Variants in TECR observed in about 807,000 individuals in gnomAD.
The protein encoded by TECR is trans-2,3-enoyl-CoA reductase.
Under a neutral mutation model 50.6 loss-of-function variants are expected in TECR, and 19 were observed. The ratio of observed to expected loss-of-function variants is 0.38; its 90% confidence interval spans 0.26 to 0.55. The LOEUF is 0.55. TECR is among the 20% of genes least tolerant of loss of function. The pLI, the probability that TECR is intolerant of heterozygous loss-of-function variation, is 0.79. For synonymous variants in TECR, 168 were observed against 163.5 expected (o/e 1.03, Z -0.21); for missense variants, 313 against 408.3 (o/e 0.77, Z 2.01).
At chr19:14,562,994 G>C (rs2146630916) in intron 2 of TECR, 1 of 625,698 alleles carries the variant, frequency 1.6e-6, no homozygotes, top group Non-Finnish European at 2.8e-6. Context: ...TGCTGGCTGA[G>C]GGTAAAAGTG....
chr19:14,561,294 G>A (rs564753937), intron 1 of TECR, among the ~76,000 whole-genome samples: 8 of 152,296 alleles, frequency 5.3e-5, no homozygotes, highest in African/African-American at 1.9e-4. Context: ...GGGTTTCTGT[G>A]GGTAGGAAGG....
chr19:14,551,072 A>AT (rs1163481758), intron 1 of TECR, among the ~76,000 whole-genome samples: 13 of 148,524 alleles, frequency 8.8e-5, no homozygotes, highest in African/African-American at 2.7e-4. Context: ...CAAAGACACT[A>AT]TTTTTTTTTC....
rs763488501 is a variant in TECR, at chr19:14,563,851, C to T, written c.215C>T (p.Thr72Ile). 1.9e-6 allele frequency: 3 copies of T among 1,613,968 alleles called. No homozygotes were observed. The highest frequency in any genetic ancestry group is 2.5e-6 in the Non-Finnish European group (3 of 1,179,944). The change falls in exon 5 of 13, where the codon ACC becomes ATC. Residue 72 changes from threonine (T) to isoleucine (I), a missense_variant. Thr to Ile is a moderately conservative substitution (Grantham distance 89). Transcript: ENST00000215567. This position sits in a 1 kb window ranked among gnomAD's most constrained non-coding sequence, Gnocchi z 5.3. Reference sequence around the variant, plus strand: ...GTTCTGCAGAAGCTGCCCGTGGGCACCACGGCCACACTGTACTTCCGGGAC... The same window carrying T: ...GTTCTGCAGAAGCTGCCCGTGGGCATCACGGCCACACTGTACTTCCGGGAC... ...EDVLQKLPVG[T>I]TATLYFRDLG...
rs759825452 is a variant in TECR, at chr19:14,564,809, C to T, written c.513C>T (p.Phe171=). 1 of 1,613,632 alleles carries T rather than the reference C, an allele frequency of 6.2e-7. No individual in the cohort carries two copies. The highest frequency in any genetic ancestry group is 8.5e-7 in the Non-Finnish European group (1 of 1,179,976). The part of the protein sequence containing the change: ...IFKNCTYYWG[F]AAWMAYYINH... Reference sequence around the variant, plus strand: ...AGAACTGCACCTACTACTGGGGCTTCGCCGCGTGGATGGCCTATTACATCA... The same window carrying T: ...AGAACTGCACCTACTACTGGGGCTTTGCCGCGTGGATGGCCTATTACATCA... The change falls in exon 8 of 13, where the codon TTC becomes TTT. Residue 171 remains phenylalanine, a synonymous_variant. Coordinates refer to ENST00000215567, the MANE Select transcript of TECR (RefSeq NM_138501.6).
At chr19:14,533,350 G>T (rs111695038) in intron 1 of TECR, among the ~76,000 whole-genome samples, 2,403 of 152,022 alleles carry the variant, frequency 0.016, 45 homozygotes, top group African/African-American at 0.052. Flanking sequence ...AACCTGGGAG[G>T]TGGAGGTTGC....
chr19:14,561,981 G>A (rs2050014433), intron 1 of TECR: 2 of 236,834 alleles, frequency 8.4e-6, no homozygotes, highest in South Asian at 6.6e-5. Flanking sequence ...TGTGCAGGGC[G>A]GGGGCTGGGA....
chr19:14,565,165 A>AG, intron 10 of TECR, 37 bp from the exon 11 acceptor site: 1 of 1,613,696 alleles, frequency 6.2e-7, no homozygotes, highest in Non-Finnish European at 8.5e-7. Context: ...GGGCTGGGTG[A>AG]GGGGGTCTGA....
At chr19:14,556,398 G>A (rs1177620159) in intron 1 of TECR, among the ~76,000 whole-genome samples, 4 of 99,646 alleles carry the variant, frequency 4.0e-5, no homozygotes, top group East Asian at 4.7e-4. Context: ...GGGCGACAGC[G>A]AGACTCTCTC....
intron 1 of TECR, among the ~76,000 whole-genome samples, chr19:14,534,202 G>A (rs1292178408): frequency 3.3e-5 from 5 of 151,122 alleles, no homozygotes; most frequent in African/African-American, 9.7e-5. Context: ...TTGGCTCACT[G>A]TAAGCTCCGC....
chr19:14,550,415 C>T lies in TECR; in HGVS notation c.16-12110C>T, dbSNP rs139626964. On this transcript the variant is annotated intron_variant, in intron 1 of 12. Coordinates refer to ENST00000215567, the MANE Select transcript of TECR (RefSeq NM_138501.6). ...CTGGACTCGGGCAGTCGGGGGTTGG[C>T]CCGGATGAGCTCCTCCTGCTCCTCC... Among the ~76,000 whole-genome samples the T allele has an allele frequency of 1.1e-3, 169 of 152,198 alleles. 1 individual carries two copies. In the Middle Eastern group the frequency reaches 0.027, roughly 25 times the overall value.
chr19:14,529,938 T>C (rs950124245), intron 1 of TECR: 5 of 627,242 alleles, frequency 8.0e-6, no homozygotes, highest in Non-Finnish European at 1.4e-5. Flanking sequence ...GGGTACTTTT[T>C]CTTGGGGGTC....
At chr19:14,561,012 G>C (rs912036644) in intron 1 of TECR, among the ~76,000 whole-genome samples, 4 of 152,110 alleles carry the variant, frequency 2.6e-5, no homozygotes, top group African/African-American at 9.7e-5. Context: ...GGGTCCCCCA[G>C]GGACTACAAG....
At chr19:14,555,438 CTTTTTTTTTT>C (rs747503834) in intron 1 of TECR, among the ~76,000 whole-genome samples, 47 of 92,900 alleles carry the variant, frequency 5.1e-4, no homozygotes, top group Non-Finnish European at 7.9e-4. Flanking sequence ...TTTATTTATT[CTTTTTTTTTT>C]TTTTTTTTTT....
chr19:14,564,378 G>A lies in TECR; in HGVS notation c.489+91G>A, dbSNP rs1030903608. 3.1e-6 allele frequency: 3 copies of A among 960,486 alleles called. No homozygotes were observed. In the African/African-American group the frequency reaches 7.9e-5, roughly 25 times the overall value. The allele number at this position is 960,486 out of a possible 1,614,324, so 59.5% of individuals were successfully genotyped here. On this transcript the variant is annotated intron_variant, in intron 7 of 12. Transcript: ENST00000215567. ...CGAGCCCCACCCCAAGGCCCTTCCT[G>A]TCTGCCACTACGCCCCAGCAGAGCC... is the stretch of plus-strand genomic sequence containing the variant.
intron 1 of TECR, chr19:14,530,299 C>T (rs995150417): frequency 6.3e-6 from 1 of 158,598 alleles, no homozygotes; most frequent in South Asian, 1.6e-4. Context: ...AAGGAGAAAT[C>T]TTATACCCAC....
chr19:14,536,130 G>C (rs182161117), intron 1 of TECR, among the ~76,000 whole-genome samples: 1 of 152,132 alleles, frequency 6.6e-6, no homozygotes. Flanking sequence ...TCCCCTTTGG[G>C]TTGGGCAGTA....
chr19:14,565,607 C>T lies in TECR; in HGVS notation c.754-11C>T, dbSNP rs746328413. On this transcript the variant is annotated splice_polypyrimidine_tract_variant and intron_variant, in intron 11 of 12. Coordinates refer to ENST00000215567, the MANE Select transcript of TECR (RefSeq NM_138501.6). Reference sequence around the variant, plus strand: ...AGGCTGCCCACGCTCACTCTCCGCCCCTGCCCACAGGTGGGGTCCTGGATC... The same window carrying T: ...AGGCTGCCCACGCTCACTCTCCGCCTCTGCCCACAGGTGGGGTCCTGGATC... 1.9e-6 allele frequency: 3 copies of T among 1,610,046 alleles called. No homozygotes were observed. The highest frequency in any genetic ancestry group is 1.1e-5 in the South Asian group (1 of 90,712).
intron 1 of TECR, among the ~76,000 whole-genome samples, chr19:14,542,445 T>C (rs1183416461): frequency 7.4e-6 from 1 of 134,584 alleles, no homozygotes. Context: ...CACTGCAACC[T>C]CCGCCTCCCG....
At chr19:14,548,705 G>A (rs566652014) in intron 1 of TECR, among the ~76,000 whole-genome samples, 1 of 152,220 alleles carries the variant, frequency 6.6e-6, no homozygotes, top group African/African-American at 2.4e-5. Flanking sequence ...AGCCTCCCAA[G>A]TAGCTGGGAT....
Sources: allele counts gnomAD v4.1 joint callset (sites outside exome capture counted in the v4.1 genomes callset), GRCh38; gene constraint gnomAD v4.1.1; non-coding constraint Gnocchi (gnomAD v3.1); transcripts MANE v1.5; gene names NCBI Gene and HGNC (gene_info 2026-07-23, HGNC 2026-07-21).